The following EXOC6 variants were observed in gnomAD, a reference collection of about 807,000 sequenced individuals.
EXOC6 encodes SEC15-like 1.
In EXOC6, 60 loss-of-function variants were observed where a neutral mutation model predicts 112.5. The observed-to-expected ratio is 0.53, with a 90% CI of 0.43 to 0.66. The LOEUF (loss-of-function observed/expected upper bound fraction) is 0.66. EXOC6 is among the 30% of genes least tolerant of loss of function. The probability of loss-of-function intolerance (pLI) is 0.00; values close to 1 mark genes in which losing one functional copy is unlikely to be tolerated. For missense variants in EXOC6, 855 were observed against 957.1 expected, an observed-to-expected ratio of 0.89 and a Z score of 1.41; for synonymous variants, 295 against 308.0, an observed-to-expected ratio of 0.96 and a Z score of 0.44.
At chr10:93,053,595 C>T (rs1015082162) in intron 20 of EXOC6, among the ~76,000 whole-genome samples, 4 of 152,186 alleles carry the variant, frequency 2.6e-5, no homozygotes, top group Admixed American at 2.0e-4. Flanking sequence ...TATTCACTTG[C>T]CATAGTTTGC....
intron 8 of EXOC6, among the ~76,000 whole-genome samples, chr10:92,927,284 C>G (rs1049306612): frequency 3.3e-5 from 5 of 151,780 alleles, no homozygotes; most frequent in Non-Finnish European, 7.4e-5. Flanking sequence ...GATGGGTTCT[C>G]TTTAAACAGT....
chr10:92,989,119 T>C (rs921054457), intron 18 of EXOC6, among the ~76,000 whole-genome samples: 2 of 152,232 alleles, frequency 1.3e-5, no homozygotes, highest in Admixed American at 6.5e-5. Context: ...ACACCTCTTA[T>C]GTCAGGAACT....
At chr10:92,923,303 C>T (rs1851543476) in intron 8 of EXOC6, among the ~76,000 whole-genome samples, 1 of 152,174 alleles carries the variant, frequency 6.6e-6, no homozygotes, top group Non-Finnish European at 1.5e-5. Context: ...TTTAGTTTAT[C>T]ATTGATCTCA....
upstream of EXOC6, among the ~76,000 whole-genome samples, chr10:92,830,969 T>A (rs1160497518): frequency 1.3e-5 from 2 of 152,228 alleles, no homozygotes; most frequent in Non-Finnish European, 2.9e-5. Context: ...TTGTTAGCAC[T>A]ATGAGACAGG....
At chr10:92,977,907 A>C (rs916598903) in intron 18 of EXOC6, among the ~76,000 whole-genome samples, 2 of 152,286 alleles carry the variant, frequency 1.3e-5, no homozygotes, top group African/African-American at 4.8e-5. Context: ...GCATTGAGAG[A>C]AATAGAATCC....
chr10:92,849,014 C>T (rs918905339), intron 1 of EXOC6, among the ~76,000 whole-genome samples: 6 of 152,146 alleles, frequency 3.9e-5, no homozygotes, highest in Non-Finnish European at 8.8e-5. Flanking sequence ...GAGGGCTGCT[C>T]GGCCGCGGGC....
In EXOC6 at chr10:93,004,018, ACT is replaced by A. The variant is rs539357363; in HGVS notation, c.2095+6406_2095+6407del. On this transcript the variant is annotated intron_variant, in intron 19 of 21. Transcript: ENST00000260762. ...ATTAAATCTGTGTCATAGAATGTTA[ACT>A]CTAGTGTCATTTAGAAATTTGTACT... Among the ~76,000 whole-genome samples, 11 of 152,242 alleles carry A rather than the reference ACT, an allele frequency of 7.2e-5. 1 individual carries two copies. The South Asian group carries it at 2.1e-3, about 29-fold the overall frequency.
chr10:93,051,064 G>A (rs1846268640), intron 20 of EXOC6, among the ~76,000 whole-genome samples: 1 of 151,324 alleles, frequency 6.6e-6, no homozygotes, highest in African/African-American at 2.4e-5. Context: ...TTTTAGCCAT[G>A]GTAGTGACCA....
chr10:93,056,824 A>C (rs1040138349), intron 20 of EXOC6, 100 bp from the exon 21 acceptor site: 50 of 675,074 alleles, frequency 7.4e-5, no homozygotes, highest in South Asian at 4.4e-4. Flanking sequence ...TCCATCTAAG[A>C]AGCAAGCCAT....
At chr10:93,004,938 G>A (rs1358059764) in intron 19 of EXOC6, among the ~76,000 whole-genome samples, 1 of 152,152 alleles carries the variant, frequency 6.6e-6, no homozygotes, top group Non-Finnish European at 1.5e-5. Context: ...CTGGTTCTAA[G>A]ATTCAAAGGC....
At chr10:92,926,539 A>G (rs547300939) in intron 8 of EXOC6, among the ~76,000 whole-genome samples, 126 of 151,490 alleles carry the variant, frequency 8.3e-4, no homozygotes, top group African/African-American at 2.9e-3. Context: ...AAAAAAAAAA[A>G]GAAAGAAAAA....
chr10:93,025,781 T>C (rs1002334571), intron 20 of EXOC6, among the ~76,000 whole-genome samples: 1 of 152,226 alleles, frequency 6.6e-6, no homozygotes, highest in Non-Finnish European at 1.5e-5. Flanking sequence ...GCAAATCATA[T>C]GTATACTGCT....
At chr10:92,955,836 T>G (rs1232657097) in intron 17 of EXOC6, 122 bp downstream of exon 17, 1 of 868,898 alleles carries the variant, frequency 1.2e-6, no homozygotes, top group Non-Finnish European at 1.7e-6. Flanking sequence ...ATAGAGGTAT[T>G]CATTGTCAAC....
intron 20 of EXOC6, among the ~76,000 whole-genome samples, chr10:93,043,190 C>T (rs1845862014): frequency 6.6e-6 from 1 of 152,158 alleles, no homozygotes; most frequent in Non-Finnish European, 1.5e-5. Flanking sequence ...CCGCCTCGGC[C>T]TCCCAAAGTG....
intron 1 of EXOC6, among the ~76,000 whole-genome samples, chr10:92,861,392 A>G (rs1203897264): frequency 6.6e-6 from 1 of 152,148 alleles, no homozygotes; most frequent in Non-Finnish European, 1.5e-5. Context: ...GAGCAGGCCA[A>G]AGTGAGGGCA....
intron 18 of EXOC6, among the ~76,000 whole-genome samples, chr10:92,981,203 A>G (rs1217638732): frequency 6.6e-6 from 1 of 152,222 alleles, no homozygotes; most frequent in East Asian, 1.9e-4. Flanking sequence ...AAAACATTAA[A>G]CATTCATTCA....
chr10:92,936,663 C>T (rs1852361221), intron 12 of EXOC6, among the ~76,000 whole-genome samples: 1 of 152,206 alleles, frequency 6.6e-6, no homozygotes, highest in Non-Finnish European at 1.5e-5. Context: ...ATATTATCCT[C>T]TCCCCTTCGG....
At chr10:93,028,063 G>A (rs1210376182) in intron 20 of EXOC6, among the ~76,000 whole-genome samples, 1 of 152,084 alleles carries the variant, frequency 6.6e-6, no homozygotes, top group Admixed American at 6.5e-5. Flanking sequence ...TTGGGAGGCC[G>A]AGGTGGGAGG....
At chr10:92,876,020 A>G (rs985900182) in intron 1 of EXOC6, among the ~76,000 whole-genome samples, 1 of 152,140 alleles carries the variant, frequency 6.6e-6, no homozygotes, top group African/African-American at 2.4e-5. Context: ...TCCTGTGAGT[A>G]TATCTGTATT....
Sources: gnomAD v4.1 joint callset for allele counts (sites outside exome capture counted in the v4.1 genomes callset) on GRCh38, gnomAD v4.1.1 for gene constraint, MANE v1.5 for transcripts, NCBI Gene and HGNC (gene_info 2026-07-23, HGNC 2026-07-21) for gene names.